COL28A1: variants seen among roughly 807,000 people sequenced by gnomAD.
COL28A1 encodes collagen alpha-1(XXVIII) chain.
In COL28A1, 161 loss-of-function variants were observed where a neutral mutation model predicts 150.2. The ratio of observed to expected loss-of-function variants is 1.07; its 90% CI spans 0.94 to 1.22. The LOEUF is 1.22. Among genes scored for constraint, COL28A1 ranks in the 50% most tolerant of loss-of-function variants. COL28A1 has a pLI of 0.00. For missense variants in COL28A1, 1,617 were observed against 1,388.3 expected (o/e 1.16, Z -2.62); for synonymous variants, 552 against 469.7 (o/e 1.18, Z -2.26).
intron 27 of COL28A1, among the ~76,000 whole-genome samples, chr7:7,410,516 T>C (rs1363440817): frequency 1.3e-5 from 2 of 152,182 alleles, no homozygotes; most frequent in Non-Finnish European, 2.9e-5. Context: ...AGAGAGTTTC[T>C]GGTGCACTCA....
intron 25 of COL28A1, among the ~76,000 whole-genome samples, chr7:7,422,405 T>C (rs1301332659): frequency 1.3e-5 from 2 of 152,030 alleles, no homozygotes; most frequent in African/African-American, 4.8e-5. Context: ...CCGAGGTGGG[T>C]GGATCACATG....
At chr7:7,503,448 C>A (rs1225333567) in intron 11 of COL28A1, among the ~76,000 whole-genome samples, 1 of 152,116 alleles carries the variant, frequency 6.6e-6, no homozygotes, top group African/African-American at 2.4e-5. Context: ...TTAGAGAATA[C>A]AGAATTACTG....
chr7:7,378,306 T>C (rs1781676675), intron 30 of COL28A1, among the ~76,000 whole-genome samples: 1 of 152,184 alleles, frequency 6.6e-6, no homozygotes, highest in East Asian at 1.9e-4. Flanking sequence ...AACACTATTT[T>C]TTCATTCACT....
chr7:7,452,243 G>T (rs4720736), intron 18 of COL28A1, 76 bp downstream of exon 18: 1,530,434 of 1,561,838 alleles, frequency 0.98, 749,895 homozygotes, highest in East Asian at 1. Context: ...GAGTCTGTAA[G>T]GCAATTGGAT....
chr7:7,379,052 G>A lies in COL28A1; in HGVS notation c.2322+1608C>T, dbSNP rs181415666. ...CCAAACCTGTGGCCATTTCAACTGA[G>A]AATTCTGGAATTGCATGCATCCAGA... is the stretch of plus-strand genomic sequence containing the variant. On this transcript the variant is annotated intron_variant, in intron 30 of 34. Transcript: ENST00000399429. Among the ~76,000 whole-genome samples the A allele has an allele frequency of 6.4e-4, 97 of 152,314 alleles. No individual in the cohort carries two copies. The Middle Eastern group carries it at 0.014, about 21-fold the overall frequency.
chr7:7,404,654 C>T (rs563173112), intron 27 of COL28A1, among the ~76,000 whole-genome samples: 10 of 152,080 alleles, frequency 6.6e-5, no homozygotes, highest in Non-Finnish European at 8.8e-5. Flanking sequence ...ATAAGGCCAT[C>T]CACTAAAATT....
chr7:7,429,474 G>C lies in COL28A1; in HGVS notation c.1998+2999C>G, dbSNP rs1019870625. ...CTCTCTGTGCTCTGTGTGTGTGTGT[G>C]GGGGGGGGGATGGTGTGTGTGTATG... On this transcript the variant is annotated intron_variant, in intron 25 of 34. Transcript: ENST00000399429. Among the ~76,000 whole-genome samples, 10 of 87,052 alleles carry C rather than the reference G, an allele frequency of 1.1e-4. 2 individuals are homozygous for C. Among genetic ancestry groups the C allele is most frequent in the Admixed American group, 4.5e-4 (4 of 8,834 alleles). The allele number at this position is 87,052 out of a possible 152,430, so 57.1% of individuals were successfully genotyped here.
chr7:7,409,491 G>A (rs1198502846), intron 27 of COL28A1, among the ~76,000 whole-genome samples: 1 of 152,122 alleles, frequency 6.6e-6, no homozygotes, highest in East Asian at 1.9e-4. Context: ...AGCAGCATGT[G>A]TACCATAATT....
chr7:7,416,634 G>A (rs1784089626), intron 27 of COL28A1, among the ~76,000 whole-genome samples: 1 of 152,150 alleles, frequency 6.6e-6, no homozygotes, highest in African/African-American at 2.4e-5. Flanking sequence ...TTTCTTTCCA[G>A]GGCTTGTACA....
At chr7:7,383,469 G>A (rs1781996374) in intron 27 of COL28A1, among the ~76,000 whole-genome samples, 1 of 151,628 alleles carries the variant, frequency 6.6e-6, no homozygotes, top group African/African-American at 2.4e-5. Flanking sequence ...AGTAGAGACA[G>A]GGTTTCACCA....
At chr7:7,516,790 C>T (rs1479829137) in intron 7 of COL28A1, among the ~76,000 whole-genome samples, 4 of 152,036 alleles carry the variant, frequency 2.6e-5, no homozygotes, top group African/African-American at 4.8e-5. Flanking sequence ...GAGAGGGTCT[C>T]ACTATGTTGC....
At chr7:7,485,707 A>G (rs190346825) in intron 13 of COL28A1, among the ~76,000 whole-genome samples, 1 of 152,290 alleles carries the variant, frequency 6.6e-6, no homozygotes, top group Non-Finnish European at 1.5e-5. Flanking sequence ...CGCCAGCACC[A>G]TTTGTTAAAA....
rs758003950 is a variant in COL28A1 at position 7,520,056 on chromosome 7, A to G, written c.813+6T>C. ...TGGTTTAAAGAAAAGCTGTTTATTC[A>G]TTTACCGGGTTTCCTTTTGGTCCTC... On this transcript the variant is annotated splice_donor_region_variant and intron_variant, in intron 6 of 34. Transcript: ENST00000399429. 30 of 1,299,076 alleles carry G rather than the reference A, an allele frequency of 2.3e-5. No homozygotes were observed. The highest frequency in any genetic ancestry group is 4.4e-5 in the African/African-American group (3 of 68,920). The allele number at this position is 1,299,076 out of a possible 1,614,324, so 80.5% of individuals were successfully genotyped here. A position where few individuals can be genotyped will look rare whatever the true frequency, so the allele number is the denominator to read the frequency against.
At position 7,511,123 on chromosome 7, in the gene COL28A1, C is replaced by A. The variant is rs1293582737; in HGVS notation, c.895G>T (p.Glu299Ter). Reference sequence around the variant, plus strand: ...CCTTTTATCCCTGGTTTACCACATTCCCCACGTTCACCCTAAAAAATAAAT... The same window carrying A: ...CCTTTTATCCCTGGTTTACCACATTACCCACGTTCACCCTAAAAAATAAAT... ...GYKGDKGERGECGKPGIKGDK... is the reference protein window; with the variant it reads ...GYKGDKGERG The change falls in exon 9 of 35, where the codon GAA (glutamate) becomes TAA (stop). Residue 299 changes from glutamate to a stop codon, truncating the protein, a stop_gained. Transcript: ENST00000399429. LOFTEE classifies it high-confidence loss of function. 6 of 1,612,138 alleles carry A rather than the reference C, an allele frequency of 3.7e-6. No individual in the cohort carries two copies. The African/African-American group carries it at 8.0e-5, about 22-fold the overall frequency.
intron 11 of COL28A1, among the ~76,000 whole-genome samples, chr7:7,492,390 A>G (rs1008903711): frequency 2.0e-5 from 3 of 151,108 alleles, no homozygotes; most frequent in Admixed American, 1.3e-4. Context: ...CCTGGCCAAC[A>G]TGGTGAAACA....
At chr7:7,409,790 T>G (rs1284735776) in intron 27 of COL28A1, among the ~76,000 whole-genome samples, 1 of 152,170 alleles carries the variant, frequency 6.6e-6, no homozygotes. Context: ...CATGGCAGTG[T>G]AGGGAGTGTG....
At chr7:7,386,163 G>A (rs1035867590) in intron 27 of COL28A1, among the ~76,000 whole-genome samples, 3 of 152,128 alleles carry the variant, frequency 2.0e-5, no homozygotes, top group Non-Finnish European at 4.4e-5. Flanking sequence ...CTTGTTCTCT[G>A]GGAGAGAAAT....
At chr7:7,424,567 G>A (rs747959164) in intron 25 of COL28A1, among the ~76,000 whole-genome samples, 9 of 152,182 alleles carry the variant, frequency 5.9e-5, no homozygotes, top group Non-Finnish European at 1.3e-4. Flanking sequence ...CGCAACAGCT[G>A]AGGGTTGTTG....
intron 27 of COL28A1, among the ~76,000 whole-genome samples, chr7:7,393,809 C>T (rs1333012497): frequency 6.6e-6 from 1 of 152,168 alleles, no homozygotes; most frequent in African/African-American, 2.4e-5. Context: ...AGGTCAACTT[C>T]AGACTGCTGT....
Sources: allele counts gnomAD v4.1 joint callset (sites outside exome capture counted in the v4.1 genomes callset), GRCh38; gene constraint gnomAD v4.1.1; transcripts MANE v1.5; gene names NCBI Gene and HGNC (gene_info 2026-07-23, HGNC 2026-07-21).